Variants in TSPAN5 observed in about 807,000 individuals in gnomAD.
TSPAN5 encodes the protein tetraspanin-5.
In TSPAN5, 10 loss-of-function variants were observed where a neutral mutation model predicts 37.1. The ratio of observed to expected loss-of-function variants is 0.27; its 90% CI spans 0.17 to 0.46. The LOEUF is 0.46. Among genes scored for constraint, TSPAN5 ranks in the 20% least tolerant of loss-of-function variants. TSPAN5 has a pLI of 1.00. For synonymous variants in TSPAN5, 110 were observed against 118.9 expected (o/e 0.93, Z 0.48); for missense variants, 195 against 326.6 (o/e 0.60, Z 3.11).
At chr4:98,598,627 G>A (rs1007534406) in intron 1 of TSPAN5, among the ~76,000 whole-genome samples, 1 of 152,026 alleles carries the variant, frequency 6.6e-6, no homozygotes, top group Non-Finnish European at 1.5e-5. Context: ...ACTATACCCA[G>A]CTAATTTTTG....
chr4:98,511,121 ATATCTGAGGCATCT>A (rs1300607962), intron 1 of TSPAN5, among the ~76,000 whole-genome samples: 2 of 152,212 alleles, frequency 1.3e-5, no homozygotes, highest in Admixed American at 6.5e-5. Context: ...GGAAAAAAAT[ATATCTGAGGCATCT>A]TATCTGAGGC....
chr4:98,527,789 G>A (rs1753992774), intron 1 of TSPAN5, among the ~76,000 whole-genome samples: 1 of 152,156 alleles, frequency 6.6e-6, no homozygotes. Context: ...AAGCCCGGAT[G>A]TCATCACTAG....
intron 1 of TSPAN5, among the ~76,000 whole-genome samples, chr4:98,563,745 C>T (rs1423794234): frequency 3.3e-5 from 5 of 152,198 alleles, no homozygotes; most frequent in Admixed American, 1.3e-4. Flanking sequence ...TATAGCAAGA[C>T]GTGCTGTGTC....
intron 1 of TSPAN5, among the ~76,000 whole-genome samples, chr4:98,645,905 A>G (rs1462469038): frequency 6.6e-6 from 1 of 152,110 alleles, no homozygotes; most frequent in Non-Finnish European, 1.5e-5. Context: ...TAAAAATTCT[A>G]CTTAGACTTA....
At chr4:98,554,314 A>G (rs1754689876) in intron 1 of TSPAN5, among the ~76,000 whole-genome samples, 1 of 152,214 alleles carries the variant, frequency 6.6e-6, no homozygotes. Flanking sequence ...GTTTTTAAAA[A>G]TAGGAAACTA....
At chr4:98,568,246 G>T (rs565174069) in intron 1 of TSPAN5, among the ~76,000 whole-genome samples, 25 of 152,216 alleles carry the variant, frequency 1.6e-4, no homozygotes, top group African/African-American at 5.8e-4. Context: ...GAAACAAGTA[G>T]AAAATAAGTC....
chr4:98,479,681 T>C (rs912246504), intron 4 of TSPAN5, among the ~76,000 whole-genome samples: 6 of 152,220 alleles, frequency 3.9e-5, no homozygotes, highest in Non-Finnish European at 8.8e-5. Context: ...CTTCTGAGAA[T>C]TTCTGGTCTA....
chr4:98,541,859 G>A (rs1260887757), intron 1 of TSPAN5, among the ~76,000 whole-genome samples: 3 of 152,034 alleles, frequency 2.0e-5, no homozygotes, highest in Admixed American at 6.6e-5. Flanking sequence ...ACCTCTAAAA[G>A]CCTAGACTCT....
intron 1 of TSPAN5, among the ~76,000 whole-genome samples, chr4:98,555,972 CGCGCGCACACACACGTGCGT>C (rs775303133): frequency 2.5e-3 from 305 of 123,994 alleles, no homozygotes; most frequent in Middle Eastern, 3.9e-3. Flanking sequence ...TCCACACACG[CGCGCGCACACACACGTGCGT>C]GCGCACACAC....
rs1757268769 is a variant in TSPAN5 at position 98,655,130 on chromosome 4, C to T, written c.81+3016G>A. On this transcript the variant is annotated intron_variant, in intron 1 of 7. Coordinates refer to ENST00000305798, the MANE Select transcript of TSPAN5 (RefSeq NM_005723.4). The stretch of plus-strand genomic sequence containing the variant: ...AAAGTGCTGGGATCGCAGGCGTGAG[C>T]CACCGCGCCCAGCCTTGGTTTTTTT... Among the ~76,000 whole-genome samples the T allele has an allele frequency of 2.6e-5, 4 of 152,206 alleles. No individual in the cohort carries two copies. In the South Asian group the frequency reaches 6.2e-4, roughly 24 times the overall value.
intron 1 of TSPAN5, among the ~76,000 whole-genome samples, chr4:98,557,436 T>C (rs1754776532): frequency 6.6e-6 from 1 of 152,192 alleles, no homozygotes; most frequent in Admixed American, 6.5e-5. Context: ...TGGGAAGCTG[T>C]TTTTTTCCCT....
At chr4:98,606,604 G>A (rs774645651) in intron 1 of TSPAN5, among the ~76,000 whole-genome samples, 5 of 152,264 alleles carry the variant, frequency 3.3e-5, no homozygotes, top group Non-Finnish European at 5.9e-5. Context: ...TAGGGTTCTT[G>A]GTTATAGTTT....
chr4:98,484,889 G>C (rs1248976348), intron 3 of TSPAN5: 1 of 217,326 alleles, frequency 4.6e-6, no homozygotes, highest in South Asian at 6.7e-5. Context: ...GAGGCGGGTG[G>C]ATCACCTGAG....
rs193089209 is a variant in TSPAN5 at position 98,473,382 on chromosome 4, A to C, written c.742-795T>G. On this transcript the variant is annotated intron_variant, in intron 7 of 7. Transcript: ENST00000305798. Reference sequence around the variant, plus strand: ...ATTCTAACCGCTTTAACGAGTATGAAATATGTGGCTTTGAATTGCATTTCC... The same window carrying C: ...ATTCTAACCGCTTTAACGAGTATGACATATGTGGCTTTGAATTGCATTTCC... Among the ~76,000 whole-genome samples the C allele has an allele frequency of 6.6e-5, 10 of 151,946 alleles. No homozygotes were observed. The East Asian group carries it at 1.9e-3, about 29-fold the overall frequency.
rs28879376 is a variant in TSPAN5, at chr4:98,549,296, G to T, written c.82-41568C>A. On this transcript the variant is annotated intron_variant, in intron 1 of 7. Transcript: ENST00000305798. ...TTGTTTTATTTTTGTTTGTTTGTTTGTTTTTGTTTTTTTTTGTTTTTTTTG... is the reference window on the plus strand; with the variant it reads ...TTGTTTTATTTTTGTTTGTTTGTTTTTTTTTGTTTTTTTTTGTTTTTTTTG... Among the ~76,000 whole-genome samples, 78 of 126,446 alleles carry T rather than the reference G, an allele frequency of 6.2e-4. 2 individuals carry two copies. Among genetic ancestry groups the T allele is most frequent in the African/African-American group, 2.5e-3 (65 of 26,146 alleles). The allele number at this position is 126,446 out of a possible 152,430, so 83.0% of individuals were successfully genotyped here.
At chr4:98,496,233 C>G (rs905742914) in intron 2 of TSPAN5, 2 of 152,268 alleles carry the variant, frequency 1.3e-5, no homozygotes, top group Non-Finnish European at 2.9e-5. Context: ...ACAGAGGAAC[C>G]TGCCCCTATA....
At chr4:98,632,852 GGA>G (rs1409698918) in intron 1 of TSPAN5, among the ~76,000 whole-genome samples, 1 of 152,198 alleles carries the variant, frequency 6.6e-6, no homozygotes, top group African/African-American at 2.4e-5. Flanking sequence ...GGGCCCTGAA[GGA>G]GAAAGCACAG....
chr4:98,652,968 A>C (rs187268845), intron 1 of TSPAN5, among the ~76,000 whole-genome samples: 11 of 152,268 alleles, frequency 7.2e-5, no homozygotes, highest in African/African-American at 2.6e-4. Context: ...TGCCCCACAG[A>C]GGGAGTGGCC....
At chr4:98,529,507 A>C (rs919845506) in intron 1 of TSPAN5, among the ~76,000 whole-genome samples, 3 of 152,240 alleles carry the variant, frequency 2.0e-5, no homozygotes, top group Non-Finnish European at 4.4e-5. Flanking sequence ...GTGTCATTTC[A>C]ATAAAGTTTC....
Sources: gnomAD v4.1 joint callset for allele counts (sites outside exome capture counted in the v4.1 genomes callset) on GRCh38, gnomAD v4.1.1 for gene constraint, MANE v1.5 for transcripts, NCBI Gene and HGNC (gene_info 2026-07-23, HGNC 2026-07-21) for gene names.